The following SEC16A variants were observed in gnomAD, a reference collection of about 807,000 sequenced individuals.
SEC16A encodes the protein SEC16 homolog A, endoplasmic reticulum export factor, also known as protein transport protein Sec16A.
Under a neutral mutation model 221.9 loss-of-function variants are expected in SEC16A, and 110 were observed. The observed-to-expected ratio is 0.50, with a 90% CI of 0.42 to 0.58. The LOEUF (loss-of-function observed/expected upper bound fraction) is 0.58, where lower values mean the gene tolerates loss of function less well. Among genes scored for constraint, SEC16A ranks in the 20% least tolerant of loss-of-function variants. The probability of loss-of-function intolerance (pLI) is 0.00; values close to 1 mark genes in which losing one functional copy is unlikely to be tolerated. For synonymous variants in SEC16A, 1,393 were observed against 1,257.7 expected (o/e 1.11, Z -2.28); for missense variants, 3,165 against 3,097.8 (o/e 1.02, Z -0.52).
rs540412966 is a variant in SEC16A at position 136,466,067 on chromosome 9, G to C, written c.4198C>G (p.His1400Asp). 6.8e-6 allele frequency: 11 copies of C among 1,613,182 alleles called. No individual in the cohort carries two copies. In the South Asian group the frequency reaches 1.2e-4, roughly 18 times the overall value. The part of the protein sequence containing the change: ...YEAPLPPGSF[H>D]GDFAYGTYRS... ...TAGGTGCCGTAGGCAAAATCGCCGT[G>C]AAAGGAGCCTGGAGGAAGCGGGGCC... Residue 1400 changes from histidine (H) to aspartate (D), a missense_variant, in exon 8 of 32, where the codon CAC (histidine) becomes GAC (aspartate). Physicochemically the swap from His to Asp is moderately conservative, Grantham distance 81 (BLOSUM62 -1). This residue lies in a region of SEC16A where 2,030 missense variants were observed against 1,923.1 expected (regional missense o/e 1.06). Transcript: ENST00000684901. The surrounding 1 kb of genome is among the most constrained non-coding windows in gnomAD (Gnocchi z 5.5).
At position 136,462,907 on chromosome 9, in the gene SEC16A, A is replaced by C; in HGVS notation, c.4873T>G (p.Leu1625Val). 1.2e-6 allele frequency: 2 copies of C among 1,601,820 alleles called. No homozygotes were observed. The highest frequency in any genetic ancestry group is 1.7e-6 in the Non-Finnish European group (2 of 1,179,814). The change falls in exon 12 of 32, where the codon TTG becomes GTG. Residue 1625 changes from leucine (L) to valine (V), a missense_variant. Transcript: ENST00000684901. ...ERETERFREL[L>V]LYGRKKDALE... is the part of the protein sequence containing the mutation. The stretch of plus-strand genomic sequence containing the variant: ...CGCACCTTCTTACGGCCATACAGCA[A>C]CAGCTCCCTGAACCTCTCGGTCTCT...
chr9:136,481,104 T>C (rs1021206619), intron 1 of SEC16A, among the ~76,000 whole-genome samples: 1 of 151,568 alleles, frequency 6.6e-6, no homozygotes, highest in Non-Finnish European at 1.5e-5. Context: ...CTATCACCTA[T>C]GTCACCACTA....
chr9:136,476,403 A>G lies in SEC16A; in HGVS notation c.1213T>C (p.Ser405Pro). 2.5e-6 allele frequency: 4 copies of G among 1,612,882 alleles called. No individual in the cohort carries two copies. The highest frequency in any genetic ancestry group is 3.4e-6 in the Non-Finnish European group (4 of 1,179,856). ...SGQADFDDFC[S>P]SPGLGRPPAP... ...GGCGGACGGCCTAGCCCAGGGCTGGAGCAGAAATCGTCAAAGTCCGCTTGA... is the reference window on the plus strand; with the variant it reads ...GGCGGACGGCCTAGCCCAGGGCTGGGGCAGAAATCGTCAAAGTCCGCTTGA... The change falls in exon 3 of 32, where the codon TCC becomes CCC. Residue 405 changes from serine to proline, a missense_variant. Coordinates refer to ENST00000684901, the MANE Select transcript of SEC16A (RefSeq NM_014866.2).
chr9:136,451,555 G>A lies in SEC16A; in HGVS notation c.6160-147C>T, dbSNP rs527361059. The stretch of plus-strand genomic sequence containing the variant: ...GGTGACCAGAGGGAGGCAGGAAGGG[G>A]GCTGGGGAGAGCAGCCCCCTGACTG... On this transcript the variant is annotated intron_variant, in intron 22 of 31. Transcript: ENST00000684901. 2.4e-5 allele frequency: 23 copies of A among 957,650 alleles called. No homozygotes were observed. The South Asian group carries it at 4.2e-4, about 17-fold the overall frequency. 59.3% of individuals were successfully genotyped at this position (957,650 alleles called of 1,614,324 possible). A position where few individuals can be genotyped will look rare whatever the true frequency, so the allele number is the denominator to read the frequency against.
In SEC16A at chr9:136,476,657, T is replaced by G; in HGVS notation, c.959A>C (p.Asn320Thr). 6.4e-7 allele frequency: 1 copy of G among 1,572,462 alleles called. No homozygotes were observed. Among genetic ancestry groups the G allele is most frequent in the Non-Finnish European group, 8.6e-7 (1 of 1,157,186 alleles). ...NHWASPELRQNPGVKNEHRPA... is the reference protein window; with the variant it reads ...NHWASPELRQTPGVKNEHRPA... ...CCGGTGCTCATTCTTCACTCCTGGATTCTGCCTGAGCTCTGGGCTTGCCCA... is the reference window on the plus strand; with the variant it reads ...CCGGTGCTCATTCTTCACTCCTGGAGTCTGCCTGAGCTCTGGGCTTGCCCA... The change falls in exon 3 of 32, where the codon AAT becomes ACT. Residue 320 changes from asparagine (N) to threonine (T), a missense_variant. By Grantham distance (65) the Asn-to-Thr change is moderately conservative (BLOSUM62 0). Transcript: ENST00000684901.
intron 20 of SEC16A, among the ~76,000 whole-genome samples, 163 bp from the exon 21 acceptor site, chr9:136,454,490 C>T (rs1024937132): frequency 5.9e-5 from 9 of 152,358 alleles, no homozygotes; most frequent in Middle Eastern, 3.4e-3. Context: ...ACCACCCCAC[C>T]GCACCATCCG....
intron 1 of SEC16A, among the ~76,000 whole-genome samples, chr9:136,482,699 C>A (rs927855922): frequency 6.6e-6 from 1 of 152,196 alleles, no homozygotes; most frequent in East Asian, 1.9e-4. Flanking sequence ...GCCGGGTCCA[C>A]GTCAGTCCCT....
chr9:136,475,982 G>A lies in SEC16A; in HGVS notation c.1634C>T (p.Thr545Ile). The change falls in exon 3 of 32, where the codon ACA (threonine) becomes ATA (isoleucine). Residue 545 changes from threonine (T) to isoleucine (I), a missense_variant. Physicochemically the swap from Thr to Ile is moderately conservative, Grantham distance 89. This residue lies in a region of SEC16A where 2,030 missense variants were observed against 1,923.1 expected (regional missense o/e 1.06). Transcript: ENST00000684901. This position sits in a 1 kb window ranked among gnomAD's most constrained non-coding sequence, Gnocchi z 5.0. Reference protein sequence around the residue: ...GSARPQELVGTFIQQEVGKPE... With the variant: ...GSARPQELVGIFIQQEVGKPE... ...TTTTCCAACTTCTTGCTGAATGAAT[G>A]TGCCAACCAGCTCCTGGGGCCTGGC... The A allele has an allele frequency of 9.9e-6, 16 of 1,613,448 alleles. No homozygotes were observed. The highest frequency in any genetic ancestry group is 1.4e-5 in the Non-Finnish European group (16 of 1,179,882).
chr9:136,483,894 C>T (rs1247517422), upstream of SEC16A: 8 of 774,612 alleles, frequency 1.0e-5, no homozygotes, highest in South Asian at 1.8e-4. Context: ...TGGCCGCGGG[C>T]ACCGAGCGGC....
At position 136,477,406 on chromosome 9, in the gene SEC16A, C is replaced by A; in HGVS notation, c.210G>T (p.Ser70=). ...QALQSTPLGS[S]SKSSPPVLQG... is the part of the protein sequence containing the mutation. Reference sequence around the variant, plus strand: ...GCAAGACAGGTGGACTGCTTTTGGACGAACTGCCCAGTGGTGTACTTTGGA... The same window carrying A: ...GCAAGACAGGTGGACTGCTTTTGGAAGAACTGCCCAGTGGTGTACTTTGGA... The change falls in exon 3 of 32, where the codon TCG becomes TCT. Residue 70 remains serine, a synonymous_variant. Coordinates refer to ENST00000684901, the MANE Select transcript of SEC16A (RefSeq NM_014866.2). 1 of 1,613,974 alleles carries A rather than the reference C, an allele frequency of 6.2e-7. No homozygotes were observed.
At chr9:136,457,714 A>G in intron 17 of SEC16A, 130 bp from the exon 18 acceptor site, 1 of 1,148,882 alleles carries the variant, frequency 8.7e-7, no homozygotes, top group Non-Finnish European at 1.2e-6. Context: ...ACTCTTCTGG[A>G]CACTTCACTC....
chr9:136,465,588 G>A (rs965333103), intron 8 of SEC16A, among the ~76,000 whole-genome samples: 3 of 152,334 alleles, frequency 2.0e-5, no homozygotes, highest in Admixed American at 1.3e-4. Flanking sequence ...ACTGACACGC[G>A]GGACAACTGC....
Position 136,477,366 on chromosome 9 carries a change from C to A in SEC16A, c.250G>T (p.Ala84Ser). 6.2e-7 allele frequency: 1 copy of A among 1,613,916 alleles called. No individual in the cohort carries two copies. The highest frequency in any genetic ancestry group is 1.6e-4 in the Middle Eastern group (1 of 6,062). Reference sequence around the variant, plus strand: ...AAACCGGGGTGCTGAGAAAACCCTGCGGGGGCTGGGCCTTGCAAGACAGGT... The same window carrying A: ...AAACCGGGGTGCTGAGAAAACCCTGAGGGGGCTGGGCCTTGCAAGACAGGT... ...SPPVLQGPAP[A>S]GFSQHPGLLV... The change falls in exon 3 of 32, where the codon GCA (alanine) becomes TCA (serine). Residue 84 changes from alanine (A) to serine (S), a missense_variant. Physicochemically the swap from Ala to Ser is moderately conservative, Grantham distance 99. Around this residue, in one of 3 missense-constraint regions of SEC16A, gnomAD observed 2,030 missense variants for 1,923.1 expected, o/e 1.06. Transcript: ENST00000684901.
In SEC16A at chr9:136,475,980, A is replaced by G; in HGVS notation, c.1636T>C (p.Phe546Leu). 1 of 1,613,426 alleles carries G rather than the reference A, an allele frequency of 6.2e-7. No homozygotes were observed. Among genetic ancestry groups the G allele is most frequent in the Non-Finnish European group, 8.5e-7 (1 of 1,179,882 alleles). The stretch of plus-strand genomic sequence containing the variant: ...GGTTTTCCAACTTCTTGCTGAATGA[A>G]TGTGCCAACCAGCTCCTGGGGCCTG... Reference protein sequence around the residue: ...SARPQELVGTFIQQEVGKPED... With the variant: ...SARPQELVGTLIQQEVGKPED... Residue 546 changes from phenylalanine to leucine, a missense_variant, in exon 3 of 32, where the codon TTC (phenylalanine) becomes CTC (leucine). By Grantham distance (22) the Phe-to-Leu change is conservative (BLOSUM62 0). This residue lies in a region of SEC16A where 2,030 missense variants were observed against 1,923.1 expected (regional missense o/e 1.06). Transcript: ENST00000684901. This position sits in a 1 kb window ranked among gnomAD's most constrained non-coding sequence, Gnocchi z 5.0.
In SEC16A at chr9:136,447,319, G is replaced by A; in HGVS notation, c.6605C>T (p.Thr2202Ile). The change falls in exon 27 of 32, where the codon ACC becomes ATC. Residue 2202 changes from threonine to isoleucine, a missense_variant. Transcript: ENST00000684901. The surrounding 1 kb of genome is among the most constrained non-coding windows in gnomAD (Gnocchi z 5.5). ...RYVDVLNPSG[T>I]QRSEPALAPA... ...AGCGAGAGCCGGCTCGCTCCGCTGG[G>A]TCCCGCTTGGGTTCAGGACGTCAAC... 2 of 1,595,614 alleles carry A rather than the reference G, an allele frequency of 1.3e-6. No individual in the cohort carries two copies. Among genetic ancestry groups the A allele is most frequent in the Non-Finnish European group, 1.7e-6 (2 of 1,172,044 alleles).
rs73670288 is a variant in SEC16A at position 136,474,627 on chromosome 9, T to C, written c.2989A>G (p.Thr997Ala). 0.023 allele frequency: 36,897 copies of C among 1,613,146 alleles called. 607 individuals are homozygous for C. Among genetic ancestry groups the C allele is most frequent in the Middle Eastern group, 0.072 (435 of 6,062 alleles). The change falls in exon 3 of 32, where the codon ACC becomes GCC. Residue 997 changes from threonine (T) to alanine (A), a missense_variant. Coordinates refer to ENST00000684901, the MANE Select transcript of SEC16A (RefSeq NM_014866.2). ...GGATTTTCCAAAGTCCTGCTTAAGG[T>C]AAAGTCTAGGGCTCCGTAAGTGTCT... Reference protein sequence around the residue: ...QEDTYGALDFTLSRTLENPVN... With the variant: ...QEDTYGALDFALSRTLENPVN...
At chr9:136,482,915 C>T (rs1460262954) in intron 1 of SEC16A, 23 bp downstream of exon 1, 1 of 943,082 alleles carries the variant, frequency 1.1e-6, no homozygotes, top group East Asian at 1.2e-4. Flanking sequence ...CGCTCGCCCC[C>T]TCACCCGCGC....
At chr9:136,457,157 AGAGT>A (rs1000030222) in intron 18 of SEC16A, among the ~76,000 whole-genome samples, 4 of 152,230 alleles carry the variant, frequency 2.6e-5, no homozygotes, top group Non-Finnish European at 5.9e-5. Context: ...CCTGGGTGAC[AGAGT>A]GAGACTGCGT....
intron 3 of SEC16A, 51 bp downstream of exon 3, chr9:136,473,998 T>C: frequency 2.0e-6 from 3 of 1,536,232 alleles, no homozygotes; most frequent in Non-Finnish European, 2.6e-6. Flanking sequence ...GAGACTCAAC[T>C]GGTCAAAGCA....
Sources: allele counts gnomAD v4.1 joint callset (sites outside exome capture counted in the v4.1 genomes callset), GRCh38; gene constraint gnomAD v4.1.1; regional missense constraint gnomAD v4.1.1; non-coding constraint Gnocchi (gnomAD v3.1); transcripts MANE v1.5; gene names NCBI Gene and HGNC (gene_info 2026-07-23, HGNC 2026-07-21).